Variants in TRIM48 observed in about 807,000 individuals in gnomAD.
TRIM48 encodes E3 ubiquitin-protein ligase TRIM48.
TRIM48 carries 31 observed loss-of-function variants against 29.5 expected under a neutral mutation model. The ratio of observed to expected loss-of-function variants is 1.05; its 90% CI spans 0.79 to 1.42. TRIM48 has a LOEUF of 1.42. Ranked by LOEUF, TRIM48 falls within the 40% of genes most tolerant of loss-of-function variation. The pLI is 0.00. For missense variants in TRIM48, 344 were observed against 265.0 expected (o/e 1.30, Z -2.07); for synonymous variants, 128 against 90.6 (o/e 1.41, Z -2.34).
chr11:55,270,309 G>A lies in TRIM48; in HGVS notation c.*2-128G>A. On this transcript the variant is annotated intron_variant, in intron 5 of 5. Transcript: ENST00000417545. ...ACTTTATTAGAAGTTACAAGCAAAA[G>A]TGTCCTTGTGACTTTACGTTTCCTG... 5 of 707,414 alleles carry A rather than the reference G, an allele frequency of 7.1e-6. 1 individual carries two copies. The highest frequency in any genetic ancestry group is 1.1e-5 in the Non-Finnish European group (5 of 455,404). The allele number at this position is 707,414 out of a possible 1,614,324, so 43.8% of individuals were successfully genotyped here.
At chr11:55,267,748 A>C in intron 3 of TRIM48, 1 of 1,464,768 alleles carries the variant, frequency 6.8e-7, no homozygotes, top group South Asian at 1.4e-5. Context: ...TGTTTCCAAA[A>C]ACACATTCGC....
rs1187257083 is a variant in TRIM48, at chr11:55,269,197, T to C, written c.579-45T>C. ...TTAAACACAAGTAGTGATTTTTATT[T>C]ATTTTATGGCTGTAGATGTTGTAAC... On this transcript the variant is annotated intron_variant, in intron 4 of 5. Transcript: ENST00000417545. 25 of 1,557,560 alleles carry C rather than the reference T, an allele frequency of 1.6e-5. 2 individuals carry two copies. The highest frequency in any genetic ancestry group is 2.2e-5 in the Non-Finnish European group (25 of 1,157,526).
At position 55,270,380 on chromosome 11, in the gene TRIM48, C is replaced by A. The variant is rs1188827106; in HGVS notation, c.*2-57C>A. 6 of 1,326,270 alleles carry A rather than the reference C, an allele frequency of 4.5e-6. 1 individual carries two copies. The African/African-American group carries it at 9.0e-5, about 20-fold the overall frequency. The allele number at this position is 1,326,270 out of a possible 1,614,324, so 82.2% of individuals were successfully genotyped here. A position where few individuals can be genotyped will look rare whatever the true frequency, so the allele number is the denominator to read the frequency against. On this transcript the variant is annotated intron_variant, in intron 5 of 5. Transcript: ENST00000417545. ...AACGATTTTTGCTTATTTACACATG[C>A]CTATGCATGTTTTCTTTCTTTCTTT...
At position 55,271,089 on chromosome 11, in the gene TRIM48, T is replaced by A; in HGVS notation, c.*654T>A. ...TATTAAAACTCATTTATTGTGTTACTATTAAATGTAGTAAAAACACTAAAA... is the reference window on the plus strand; with the variant it reads ...TATTAAAACTCATTTATTGTGTTACAATTAAATGTAGTAAAAACACTAAAA... On this transcript the variant is annotated 3_prime_UTR_variant, in exon 6 of 6. Transcript: ENST00000417545. 1 of 1,052,400 alleles carries A rather than the reference T, an allele frequency of 9.5e-7. No homozygotes were observed. The highest frequency in any genetic ancestry group is 2.8e-5 in the Admixed American group (1 of 35,148). 65.2% of individuals were successfully genotyped at this position (1,052,400 alleles called of 1,614,324 possible). A position where few individuals can be genotyped will look rare whatever the true frequency, so the allele number is the denominator to read the frequency against.
In TRIM48 at chr11:55,270,836, T is replaced by G. The variant is rs551233738; in HGVS notation, c.*401T>G. The G allele has an allele frequency of 3.2e-6, 5 of 1,572,618 alleles. No individual in the cohort carries two copies. The Admixed American group carries it at 6.9e-5, about 22-fold the overall frequency. On this transcript the variant is annotated 3_prime_UTR_variant, in exon 6 of 6. Coordinates refer to ENST00000417545, the MANE Select transcript of TRIM48 (RefSeq NM_024114.5). ...TTCCTGGATTGTGAAGCTAGAACTG[T>G]GAGCTTCGTTGATGTTAGTCAAAGC...
At chr11:55,268,301 G>A (rs779361591) in intron 3 of TRIM48, 49 bp from the exon 4 acceptor site, 4 of 1,437,636 alleles carry the variant, frequency 2.8e-6, no homozygotes, top group Admixed American at 1.8e-5. Context: ...CTTAATGAAA[G>A]ATGCATCTTG....
At position 55,262,200 on chromosome 11, in the gene TRIM48, T is replaced by C; in HGVS notation, c.-68T>C. 2 of 1,282,482 alleles carry C rather than the reference T, an allele frequency of 1.6e-6. No homozygotes were observed. The highest frequency in any genetic ancestry group is 2.2e-6 in the Non-Finnish European group (2 of 903,438). 79.4% of individuals were successfully genotyped at this position (1,282,482 alleles called of 1,614,324 possible). On this transcript the variant is annotated 5_prime_UTR_variant, in exon 1 of 6. Transcript: ENST00000417545. ...GAGTGCACTTAGAGGGAGCTGTGTT[T>C]TGGTGACCTCTGAAACTCAGTACTG...
At chr11:55,263,344 A>G (rs1857333773) in intron 1 of TRIM48, among the ~76,000 whole-genome samples, 1 of 152,080 alleles carries the variant, frequency 6.6e-6, no homozygotes, top group African/African-American at 2.4e-5. Context: ...GGTAGATTCT[A>G]TCATGTCAAA....
chr11:55,267,078 A>T (rs1857405275), intron 3 of TRIM48, among the ~76,000 whole-genome samples: 1 of 148,102 alleles, frequency 6.8e-6, no homozygotes, highest in Non-Finnish European at 1.5e-5. Context: ...CTTTCTAGTA[A>T]CTATAGCTCT....
intron 3 of TRIM48, 102 bp downstream of exon 3, chr11:55,265,797 CA>C (rs34036307): frequency 0.15 from 119,470 of 823,806 alleles, 722 homozygotes; most frequent in Non-Finnish European, 0.15. Flanking sequence ...TTCTGGGAGT[CA>C]AAAAAAAAAA....
intron 5 of TRIM48, among the ~76,000 whole-genome samples, chr11:55,269,794 A>C (rs982999375): frequency 1.4e-5 from 2 of 147,904 alleles, no homozygotes; most frequent in Non-Finnish European, 3.0e-5. Context: ...CAAGAAAATT[A>C]GTTAATGGGT....
intron 1 of TRIM48, among the ~76,000 whole-genome samples, chr11:55,263,813 G>A (rs1857343839): frequency 6.6e-6 from 1 of 152,224 alleles, no homozygotes; most frequent in African/African-American, 2.4e-5. Context: ...CTGTCTTTAA[G>A]CTGATGTAGT....
chr11:55,266,085 T>C (rs1295685776), intron 3 of TRIM48, among the ~76,000 whole-genome samples: 7 of 147,666 alleles, frequency 4.7e-5, no homozygotes, highest in Non-Finnish European at 7.5e-5. Context: ...TTAATCTGAA[T>C]GCTGGTGGAC....
chr11:55,263,372 C>G (rs1181453134), intron 1 of TRIM48, among the ~76,000 whole-genome samples: 1 of 151,828 alleles, frequency 6.6e-6, no homozygotes, highest in Admixed American at 6.6e-5. Flanking sequence ...AACAATAAAA[C>G]CTAGGCGCAG....
Position 55,266,066 on chromosome 11 carries a change from G to C in TRIM48, c.555+371G>C, listed in dbSNP as rs1028013871. On this transcript the variant is annotated intron_variant, in intron 3 of 5. Coordinates refer to ENST00000417545, the MANE Select transcript of TRIM48 (RefSeq NM_024114.5). ...AAGCTCAAGTGAACCTTCTGAGCCTGGGTCAGCATTAATCTGAATGCTGGT... is the reference window on the plus strand; with the variant it reads ...AAGCTCAAGTGAACCTTCTGAGCCTCGGTCAGCATTAATCTGAATGCTGGT... Among the ~76,000 whole-genome samples, 35 of 147,606 alleles carry C rather than the reference G, an allele frequency of 2.4e-4. 6 individuals are homozygous for C. The highest frequency in any genetic ancestry group is 4.6e-4 in the Non-Finnish European group (31 of 66,882).
intron 1 of TRIM48, among the ~76,000 whole-genome samples, chr11:55,262,624 G>T (rs1226773323): frequency 6.6e-6 from 1 of 152,056 alleles, no homozygotes; most frequent in Non-Finnish European, 1.5e-5. Flanking sequence ...TATGTGTAAT[G>T]AGTGTATTAA....
At chr11:55,267,639 G>T in intron 3 of TRIM48, 1 of 1,564,088 alleles carries the variant, frequency 6.4e-7, no homozygotes, top group Non-Finnish European at 8.7e-7. Flanking sequence ...GCTACTTCAG[G>T]TACAAACTCG....
rs991006244 is a variant in TRIM48 at position 55,262,189 on chromosome 11, G to A, written c.-79G>A. ...CAAAGGAGAAGGAGTGCACTTAGAG[G>A]GAGCTGTGTTTTGGTGACCTCTGAA... On this transcript the variant is annotated 5_prime_UTR_variant, in exon 1 of 6. Coordinates refer to ENST00000417545, the MANE Select transcript of TRIM48 (RefSeq NM_024114.5). The A allele has an allele frequency of 6.4e-6, 7 of 1,094,090 alleles. No homozygotes were observed. Among genetic ancestry groups the A allele is most frequent in the Non-Finnish European group, 9.6e-6 (7 of 731,714 alleles). 67.8% of individuals were successfully genotyped at this position (1,094,090 alleles called of 1,614,324 possible). A position where few individuals can be genotyped will look rare whatever the true frequency, so the allele number is the denominator to read the frequency against.
At position 55,264,179 on chromosome 11, in the gene TRIM48, G is replaced by A. The variant is rs193022808; in HGVS notation, c.45-721G>A. 2.4e-4 allele frequency among the ~76,000 whole-genome samples: 30 copies of A among 123,922 alleles called. 2 individuals are homozygous for A. Among genetic ancestry groups the A allele is most frequent in the African/African-American group, 7.7e-4 (27 of 34,938 alleles). 81.3% of individuals were successfully genotyped at this position (123,922 alleles called of 152,430 possible). ...TACTATATGTTAGTTCAGAGTTTGG[G>A]TATCCCTAGGAGAAGTTAATTCAAT... On this transcript the variant is annotated intron_variant, in intron 1 of 5. Transcript: ENST00000417545.
Sources: allele counts gnomAD v4.1 joint callset (sites outside exome capture counted in the v4.1 genomes callset), GRCh38; gene constraint gnomAD v4.1.1; transcripts MANE v1.5; gene names NCBI Gene and HGNC (gene_info 2026-07-23, HGNC 2026-07-21).